Variants in CD79B observed in about 807,000 individuals in gnomAD.
CD79B encodes B-cell antigen receptor complex-associated protein beta chain.
In CD79B, 7 loss-of-function variants were observed where a neutral mutation model predicts 30.0. That is an observed-to-expected ratio of 0.23 (90% confidence interval 0.13 to 0.44). The LOEUF is 0.44. Ranked by LOEUF, CD79B falls within the 20% of genes least tolerant of loss-of-function variation. The pLI is 1.00. For synonymous variants in CD79B, 118 were observed against 119.2 expected (o/e 0.99, Z 0.07); for missense variants, 218 against 299.1 (o/e 0.73, Z 2.00).
At chr17:63,931,175 G>A in intron 2 of CD79B, 160 bp downstream of exon 2, 2 of 731,568 alleles carry the variant, frequency 2.7e-6, no homozygotes, top group South Asian at 2.9e-5. Context: ...TGGGGGTGGG[G>A]CTCAGAGGAG....
chr17:63,931,788 G>A (rs112691067), intron 1 of CD79B: 83 of 364,732 alleles, frequency 2.3e-4, no homozygotes, highest in African/African-American at 7.0e-4. Flanking sequence ...GTCACAGCCC[G>A]GAGGATCTTT....
rs199521114 is a variant in CD79B, at chr17:63,929,492, A to G, written c.550-17T>C. ...GCTGTCATCCTGGGGGCGGAGAGGGATGGAGATCAGAGTGTTAGTGTCCCC... is the reference window on the plus strand; with the variant it reads ...GCTGTCATCCTGGGGGCGGAGAGGGGTGGAGATCAGAGTGTTAGTGTCCCC... On this transcript the variant is annotated splice_polypyrimidine_tract_variant and intron_variant, in intron 4 of 5. Transcript: ENST00000006750. 125 of 1,613,330 alleles carry G rather than the reference A, an allele frequency of 7.7e-5. No homozygotes were observed. Among genetic ancestry groups the G allele is most frequent in the Middle Eastern group, 1.7e-4 (1 of 6,054 alleles).
chr17:63,931,077 C>T lies in CD79B; in HGVS notation c.118+258G>A, dbSNP rs2003549. ...CGGGCCTGAGTCCTAGAGGAACCCCCAGGCTCCCTTGCTATGACCCAGAGT... is the reference window on the plus strand; with the variant it reads ...CGGGCCTGAGTCCTAGAGGAACCCCTAGGCTCCCTTGCTATGACCCAGAGT... On this transcript the variant is annotated intron_variant, in intron 2 of 5. Transcript: ENST00000006750. The T allele has an allele frequency of 0.23, 124,377 of 537,484 alleles. 15,780 individuals are homozygous for T. The highest frequency in any genetic ancestry group is 0.33 in the African/African-American group (17,339 of 52,892). The allele number at this position is 537,484 out of a possible 1,614,324, so 33.3% of individuals were successfully genotyped here.
In CD79B at chr17:63,930,225, C is replaced by A. The variant is rs377108188; in HGVS notation, c.279G>T (p.Lys93Asn). 5 of 1,614,210 alleles carry A rather than the reference C, an allele frequency of 3.1e-6. No homozygotes were observed. In the East Asian group the frequency reaches 1.1e-4, roughly 36 times the overall value. ...DENPQQLKLE[K>N]GRMEESQNES... ...CGTTCTGGGACTCTTCCATGCGGCC[C>A]TTTTCCAGCTTCAGCTGCTGGGGAT... The change falls in exon 3 of 6, where the codon AAG becomes AAT. Residue 93 changes from lysine to asparagine, a missense_variant. Physicochemically the swap from Lys to Asn is moderately conservative, Grantham distance 94. Coordinates refer to ENST00000006750, the MANE Select transcript of CD79B (RefSeq NM_000626.4).
intron 1 of CD79B, 140 bp downstream of exon 1, chr17:63,932,054 GC>G: frequency 1.2e-6 from 1 of 801,746 alleles, no homozygotes; most frequent in Non-Finnish European, 2.1e-6. Context: ...ACAGACCCAG[GC>G]CCCAGGGCCA....
chr17:63,931,874 A>AC, intron 1 of CD79B: 1 of 464,886 alleles, frequency 2.2e-6, no homozygotes, highest in Non-Finnish European at 4.0e-6. Flanking sequence ...TCCCCTCCCG[A>AC]CCCCCAGGCA....
chr17:63,928,979 C>T lies in CD79B; in HGVS notation c.*247G>A, dbSNP rs878958426. ...GTGGGGACGGATCACCTCATAGCAC[C>T]CCCAGAAGGCTGGGTCCCGTCCATC... On this transcript the variant is annotated 3_prime_UTR_variant, in exon 6 of 6. Transcript: ENST00000006750. 4 of 570,682 alleles carry T rather than the reference C, an allele frequency of 7.0e-6. No individual in the cohort carries two copies. The South Asian group carries it at 7.9e-5, about 11-fold the overall frequency. The allele number at this position is 570,682 out of a possible 1,614,324, so 35.4% of individuals were successfully genotyped here. A position where few individuals can be genotyped will look rare whatever the true frequency, so the allele number is the denominator to read the frequency against.
Position 63,932,300 on chromosome 17 carries a change from GTCCGA to G in CD79B, c.-44_-40del, listed in dbSNP as rs1347325537. On this transcript the variant is annotated 5_prime_UTR_variant, in exon 1 of 6. Coordinates refer to ENST00000006750, the MANE Select transcript of CD79B (RefSeq NM_000626.4). ...TCCCCGACCCCAAACCCGTGACAAC[GTCCGA>G]GGCTCCTTGGAGGAAAACGTGTAAC... 3.8e-6 allele frequency: 6 copies of G among 1,591,150 alleles called. No individual in the cohort carries two copies. Among genetic ancestry groups the G allele is most frequent in the Non-Finnish European group, 5.2e-6 (6 of 1,164,874 alleles).
chr17:63,931,275 C>A, intron 2 of CD79B, 60 bp downstream of exon 2: 2 of 1,554,296 alleles, frequency 1.3e-6, no homozygotes, highest in South Asian at 2.2e-5. Flanking sequence ...GGACCATAGT[C>A]GGACACAGGA....
intron 2 of CD79B, chr17:63,930,605 C>CT (rs1908066983): frequency 5.0e-6 from 3 of 601,326 alleles, no homozygotes; most frequent in Non-Finnish European, 8.9e-6. Context: ...GACTCCACCT[C>CT]TTCCCGACTG....
chr17:63,930,911 T>A (rs1908083758), intron 2 of CD79B: 2 of 306,834 alleles, frequency 6.5e-6, no homozygotes, highest in African/African-American at 4.3e-5. Context: ...CTGGGTCCAC[T>A]TCTTGTTCCA....
intron 2 of CD79B, chr17:63,930,619 C>T: frequency 1.7e-6 from 1 of 591,778 alleles, no homozygotes; most frequent in Non-Finnish European, 3.0e-6. Context: ...CCGACTGCCC[C>T]ACCTCCCCTT....
In CD79B at chr17:63,929,822, G is replaced by A. The variant is rs147194821; in HGVS notation, c.497C>T (p.Thr166Met). ...TLKDGIIMIQTLLIILFIIVP... is the reference protein window; with the variant it reads ...TLKDGIIMIQMLLIILFIIVP... ...GATGATGAAGAGGATGATCAGCAGC[G>A]TCTGGATCATGATGATACCATCCTT... The change falls in exon 4 of 6, where the codon ACG (threonine) becomes ATG (methionine). Residue 166 changes from threonine to methionine, a missense_variant. Transcript: ENST00000006750. The A allele has an allele frequency of 5.2e-5, 84 of 1,613,206 alleles. No individual in the cohort carries two copies. The highest frequency in any genetic ancestry group is 3.3e-4 in the Middle Eastern group (2 of 6,084).
Position 63,930,297 on chromosome 17 carries a change from G to A in CD79B, c.207C>T (p.Ser69=), listed in dbSNP as rs778802679. The A allele has an allele frequency of 3.1e-6, 5 of 1,614,068 alleles. No individual in the cohort carries two copies. Among genetic ancestry groups the A allele is most frequent in the South Asian group, 2.2e-5 (2 of 91,088 alleles). ...FTVKMHCYMN[S]ASGNVSWLWK... ...AGAGCCAGCTCACATTGCCGGAGGC[G>A]CTGTTCATGTAGCAGTGCATTTTCA... Residue 69 remains serine, a synonymous_variant, in exon 3 of 6, where the codon AGC becomes AGT. Transcript: ENST00000006750.
chr17:63,932,153 A>G (rs1199649151), intron 1 of CD79B, 42 bp downstream of exon 1: 1 of 1,567,224 alleles, frequency 6.4e-7, no homozygotes, highest in Non-Finnish European at 8.8e-7. Context: ...AGACAGCTGG[A>G]GATGAGAGCA....
chr17:63,932,058 C>T lies in CD79B; in HGVS notation c.67+137G>A, dbSNP rs112047591. 1,124 of 826,392 alleles carry T rather than the reference C, an allele frequency of 1.4e-3. 7 individuals carry two copies. The African/African-American group carries it at 0.016, about 12-fold the overall frequency. The allele number at this position is 826,392 out of a possible 1,614,324, so 51.2% of individuals were successfully genotyped here. ...AGCTGACACCCACAGACCCAGGCCC[C>T]AGGGCCATGAGAGGGAGACAGGCGG... On this transcript the variant is annotated intron_variant, in intron 1 of 5. Coordinates refer to ENST00000006750, the MANE Select transcript of CD79B (RefSeq NM_000626.4).
intron 4 of CD79B, 46 bp from the exon 5 acceptor site, chr17:63,929,521 C>G: frequency 2.5e-6 from 4 of 1,607,306 alleles, no homozygotes; most frequent in Non-Finnish European, 3.4e-6. Flanking sequence ...TGTCCCCCAG[C>G]CCCATCCCCT....
At chr17:63,932,124 A>T in intron 1 of CD79B, 71 bp downstream of exon 1, 20 of 1,332,520 alleles carry the variant, frequency 1.5e-5, no homozygotes, top group Non-Finnish European at 2.2e-5. Flanking sequence ...AGCAAGCAGG[A>T]GGCAGAGCCG....
rs376806532 is a variant in CD79B at position 63,930,035 on chromosome 17, C to A, written c.430+39G>T. ...AGAGGCAGGCCGGGCTAGGGTGGGG[C>A]GGACAGCTACAGGAGCGTCCCAGCC... is the stretch of plus-strand genomic sequence containing the variant. On this transcript the variant is annotated intron_variant, in intron 3 of 5. Transcript: ENST00000006750. 34 of 1,605,700 alleles carry A rather than the reference C, an allele frequency of 2.1e-5. 1 individual carries two copies. In the South Asian group the frequency reaches 3.5e-4, roughly 17 times the overall value.
Sources: gnomAD v4.1 joint callset for allele counts on GRCh38, gnomAD v4.1.1 for gene constraint, MANE v1.5 for transcripts, NCBI Gene and HGNC (gene_info 2026-07-23, HGNC 2026-07-21) for gene names.